Variants in SLC5A1 observed in about 807,000 individuals in gnomAD.
SLC5A1 encodes sodium/glucose cotransporter 1.
In SLC5A1, 42 loss-of-function variants were observed where a neutral mutation model predicts 73.5. The observed-to-expected ratio is 0.57, with a 90% confidence interval of 0.45 to 0.74. The LOEUF is 0.74. Among genes scored for constraint, SLC5A1 ranks in the 30% least tolerant of loss-of-function variants. The pLI, the probability that SLC5A1 is intolerant of heterozygous loss-of-function variation, is 0.00. For missense variants in SLC5A1, 634 were observed against 855.4 expected (o/e 0.74, Z 3.23); for synonymous variants, 300 against 317.4 (o/e 0.95, Z 0.58).
chr22:32,067,622 C>T (rs904278902), intron 3 of SLC5A1, among the ~76,000 whole-genome samples: 2 of 151,848 alleles, frequency 1.3e-5, no homozygotes, highest in African/African-American at 4.8e-5. Context: ...TAATAGTAGT[C>T]GTCATAATAA....
In SLC5A1 at chr22:32,084,942, G is replaced by T; in HGVS notation, c.928G>T (p.Val310Leu). The T allele has an allele frequency of 6.2e-7, 1 of 1,614,178 alleles. No individual in the cohort carries two copies. The highest frequency in any genetic ancestry group is 1.1e-5 in the South Asian group (1 of 91,078). Reference sequence around the variant, plus strand: ...CCTCTCAGCCAAGAATATGTCTCACGTGAAGGGTGGCTGCATCCTGTGTGG... The same window carrying T: ...CCTCTCAGCCAAGAATATGTCTCACTTGAAGGGTGGCTGCATCCTGTGTGG... The part of the protein sequence containing the change: ...RCLSAKNMSH[V>L]KGGCILCGYL... The change falls in exon 9 of 15, where the codon GTG becomes TTG. Residue 310 changes from valine to leucine, a missense_variant. Physicochemically the swap from Val to Leu is conservative, Grantham distance 32 (BLOSUM62 1). Coordinates refer to ENST00000266088, the MANE Select transcript of SLC5A1 (RefSeq NM_000343.4).
At chr22:32,068,280 C>T (rs749734471) in intron 4 of SLC5A1, among the ~76,000 whole-genome samples, 2 of 152,174 alleles carry the variant, frequency 1.3e-5, no homozygotes, top group East Asian at 1.9e-4. Flanking sequence ...TAACACCTAG[C>T]TACTCCTACA....
intron 5 of SLC5A1, among the ~76,000 whole-genome samples, chr22:32,075,271 G>A (rs1297203920): frequency 6.6e-6 from 1 of 151,758 alleles, no homozygotes; most frequent in Non-Finnish European, 1.5e-5. Flanking sequence ...GAGAAGTTAG[G>A]TAATTTCCCC....
chr22:32,067,860 G>A (rs992361182), intron 3 of SLC5A1, 107 bp from the exon 4 acceptor site: 13 of 1,149,478 alleles, frequency 1.1e-5, no homozygotes, highest in Admixed American at 3.4e-5. Flanking sequence ...GCTCCTTAGG[G>A]GAGAACATGC....
At chr22:32,105,921 C>T (rs1025594639) in intron 14 of SLC5A1, among the ~76,000 whole-genome samples, 6 of 152,162 alleles carry the variant, frequency 3.9e-5, no homozygotes, top group African/African-American at 1.4e-4. Context: ...GGGTCTCATT[C>T]TTTCTTTATG....
chr22:32,057,373 C>T (rs1384616206), intron 2 of SLC5A1, among the ~76,000 whole-genome samples: 2 of 152,110 alleles, frequency 1.3e-5, no homozygotes, highest in African/African-American at 4.8e-5. Context: ...CTCAAAGGAT[C>T]CTCCTTCCTC....
intron 2 of SLC5A1, among the ~76,000 whole-genome samples, chr22:32,060,770 A>G (rs1043441813): frequency 6.6e-6 from 1 of 151,756 alleles, no homozygotes; most frequent in African/African-American, 2.4e-5. Context: ...GGGTCTCGCT[A>G]TGTTACCCAG....
intron 2 of SLC5A1, among the ~76,000 whole-genome samples, chr22:32,059,776 G>A (rs999258575): frequency 3.3e-5 from 5 of 152,046 alleles, no homozygotes; most frequent in South Asian, 2.1e-4. Flanking sequence ...AATTGTTTGC[G>A]GAATGATTTC....
intron 11 of SLC5A1, among the ~76,000 whole-genome samples, chr22:32,092,852 GTTCTTGGTCGTGAACTCTTTGCCTAAGC>G (rs2094020313): frequency 2.6e-5 from 4 of 152,248 alleles, no homozygotes; most frequent in South Asian, 4.2e-4. Context: ...TTGCCTTTGG[GTTCTTGGTCGTGAACTCTTTGCCTAAGC>G]CAATGCCTAG....
intron 6 of SLC5A1, 25 bp from the exon 7 acceptor site, chr22:32,083,049 A>C: frequency 1.2e-6 from 2 of 1,608,840 alleles, no homozygotes; most frequent in Non-Finnish European, 1.7e-6. Context: ...ACGAGGTCAG[A>C]TGTGTTGTCT....
intron 3 of SLC5A1, among the ~76,000 whole-genome samples, chr22:32,067,370 T>A (rs1000774252): frequency 2.0e-5 from 3 of 151,170 alleles, no homozygotes; most frequent in Non-Finnish European, 1.5e-5. Context: ...TTTAAAAAAA[T>A]TTTTATTATT....
In SLC5A1 at chr22:32,104,844, C is replaced by T. The variant is rs185883847; in HGVS notation, c.1724C>T (p.Ala575Val). The T allele has an allele frequency of 1.7e-5, 28 of 1,613,988 alleles. No individual in the cohort carries two copies. The highest frequency in any genetic ancestry group is 9.3e-5 in the African/African-American group (7 of 75,004). Reference protein sequence around the residue: ...NSKEERIDLDAEEENIQEGPK... With the variant: ...NSKEERIDLDVEEENIQEGPK... ...AAAGAGGAGCGTATTGACCTGGATG[C>T]GGAAGAGGAGAACATCCAAGAAGGC... Residue 575 changes from alanine to valine, a missense_variant, in exon 14 of 15, where the codon GCG becomes GTG. This residue lies in a region of SLC5A1 where 161 missense variants were observed against 178.7 expected (regional missense o/e 0.90). Transcript: ENST00000266088.
intron 5 of SLC5A1, among the ~76,000 whole-genome samples, chr22:32,070,119 C>A (rs1397086124): frequency 6.6e-6 from 1 of 151,824 alleles, no homozygotes; most frequent in Non-Finnish European, 1.5e-5. Context: ...GCTGAGATTT[C>A]TCAAGGATTG....
intron 10 of SLC5A1, among the ~76,000 whole-genome samples, chr22:32,087,363 A>T (rs5998234): frequency 0.076 from 11,580 of 152,276 alleles, 844 homozygotes; most frequent in African/African-American, 0.19. Flanking sequence ...AATATACATA[A>T]CTTTTACTTG....
chr22:32,082,858 C>T (rs1232592744), intron 6 of SLC5A1, among the ~76,000 whole-genome samples: 1 of 152,204 alleles, frequency 6.6e-6, no homozygotes. Flanking sequence ...TAGGGAGAAA[C>T]ATTCGCCACT....
intron 13 of SLC5A1, among the ~76,000 whole-genome samples, chr22:32,103,142 T>C (rs1173356524): frequency 1.3e-5 from 2 of 152,264 alleles, no homozygotes. Context: ...TTTGAGGAAC[T>C]TCCATAGTGT....
chr22:32,102,617 A>G (rs2094038540), intron 13 of SLC5A1, among the ~76,000 whole-genome samples: 1 of 152,156 alleles, frequency 6.6e-6, no homozygotes, highest in African/African-American at 2.4e-5. Flanking sequence ...ATATGTATAT[A>G]ATAAATTACG....
At chr22:32,060,142 C>CATAT (rs1174336682) in intron 2 of SLC5A1, among the ~76,000 whole-genome samples, 2 of 18,566 alleles carry the variant, frequency 1.1e-4, no homozygotes, top group Non-Finnish European at 1.6e-4. Context: ...TATATATACA[C>CATAT]ATACACACAC....
rs367569548 is a variant in SLC5A1 at position 32,049,928 on chromosome 22, C to T, written c.136-15C>T. On this transcript the variant is annotated splice_polypyrimidine_tract_variant and intron_variant, in intron 1 of 14. Coordinates refer to ENST00000266088, the MANE Select transcript of SLC5A1 (RefSeq NM_000343.4). ...TTCTAGTTTTCGATTACATTTTTGA[C>T]CCTTTCCTCCTCAGGCTATGTTTTC... The T allele has an allele frequency of 1.2e-6, 2 of 1,612,058 alleles. No individual in the cohort carries two copies. The highest frequency in any genetic ancestry group is 2.7e-5 in the African/African-American group (2 of 74,888).
Sources: allele counts gnomAD v4.1 joint callset (sites outside exome capture counted in the v4.1 genomes callset), GRCh38; gene constraint gnomAD v4.1.1; regional missense constraint gnomAD v4.1.1; transcripts MANE v1.5; gene names NCBI Gene and HGNC (gene_info 2026-07-23, HGNC 2026-07-21).